Variants in CAMK1D observed in about 807,000 individuals in gnomAD.
CAMK1D encodes the protein calcium/calmodulin dependent protein kinase ID.
A neutral mutation model predicts 47.7 loss-of-function variants in CAMK1D; 9 were observed. The observed-to-expected ratio is 0.19, with a 90% confidence interval of 0.11 to 0.33. The LOEUF (loss-of-function observed/expected upper bound fraction) is 0.33, where lower values mean the gene tolerates loss of function less well. Among genes scored for constraint, CAMK1D ranks in the 10% least tolerant of loss-of-function variants. CAMK1D has a pLI of 1.00. For missense variants in CAMK1D, 291 were observed against 488.7 expected, an observed-to-expected ratio of 0.60 and a Z score of 3.81; for synonymous variants, 184 against 184.9, an observed-to-expected ratio of 0.99 and a Z score of 0.04.
intron 2 of CAMK1D, among the ~76,000 whole-genome samples, chr10:12,578,033 C>T (rs1443379660): frequency 1.3e-5 from 2 of 152,236 alleles, no homozygotes; most frequent in African/African-American, 2.4e-5. Context: ...CTTACATCCT[C>T]ACAGCAACTC....
chr10:12,633,427 A>T (rs1451021441), intron 2 of CAMK1D, among the ~76,000 whole-genome samples: 1 of 152,148 alleles, frequency 6.6e-6, no homozygotes, highest in Non-Finnish European at 1.5e-5. Flanking sequence ...GAGAAGGTCA[A>T]CTTCAAGTGC....
chr10:12,358,078 A>G (rs183025086), intron 1 of CAMK1D, among the ~76,000 whole-genome samples: 120 of 152,226 alleles, frequency 7.9e-4, no homozygotes, highest in African/African-American at 2.7e-3. Context: ...GAGAGATTCC[A>G]GCCTGGAGTG....
At chr10:12,800,619 A>T (rs1004133665) in intron 6 of CAMK1D, among the ~76,000 whole-genome samples, 1 of 152,148 alleles carries the variant, frequency 6.6e-6, no homozygotes, top group African/African-American at 2.4e-5. Flanking sequence ...CTAGTGTGTA[A>T]TATACATGGA....
chr10:12,517,482 C>T (rs1271301237), intron 1 of CAMK1D, among the ~76,000 whole-genome samples: 1 of 152,162 alleles, frequency 6.6e-6, no homozygotes, highest in East Asian at 1.9e-4. Flanking sequence ...GGCTTTTACC[C>T]TAAAGTATGA....
intron 2 of CAMK1D, 136 bp downstream of exon 2, chr10:12,553,492 A>G (rs964894361): frequency 1.5e-6 from 1 of 655,812 alleles, no homozygotes; most frequent in Non-Finnish European, 2.7e-6. Context: ...AACGATAACC[A>G]ACTTTCAAAG....
At position 12,418,929 on chromosome 10, in the gene CAMK1D, G is replaced by A. The variant is rs553126685; in HGVS notation, c.92+69019G>A. ...AGGCCTCAGCCGAGAGTGGCCATAG[G>A]TGGAAGGCCTCAGTCGCGGGCGTGG... is the stretch of plus-strand genomic sequence containing the variant. On this transcript the variant is annotated intron_variant, in intron 1 of 10. Coordinates refer to ENST00000619168, the MANE Select transcript of CAMK1D (RefSeq NM_153498.4). 2.0e-5 allele frequency among the ~76,000 whole-genome samples: 3 copies of A among 152,262 alleles called. No homozygotes were observed. The South Asian group carries it at 6.2e-4, about 32-fold the overall frequency.
intron 3 of CAMK1D, among the ~76,000 whole-genome samples, chr10:12,749,570 G>GTTTTT (rs1334614122): frequency 4.2e-5 from 5 of 119,342 alleles, no homozygotes; most frequent in African/African-American, 1.4e-4. Context: ...TTGTTTGTTT[G>GTTTTT]TTTGTTTTGA....
At chr10:12,668,539 GATA>G (rs1304010815) in intron 3 of CAMK1D, among the ~76,000 whole-genome samples, 6 of 152,160 alleles carry the variant, frequency 3.9e-5, no homozygotes, top group Non-Finnish European at 8.8e-5. Context: ...GGAAAATGGG[GATA>G]ATAATATTTT....
chr10:12,394,064 C>T (rs1418552176), intron 1 of CAMK1D, among the ~76,000 whole-genome samples: 3 of 152,190 alleles, frequency 2.0e-5, no homozygotes, highest in Non-Finnish European at 2.9e-5. Flanking sequence ...TGCTTTTGGC[C>T]GACTGGCCAT....
chr10:12,464,591 G>C (rs576119446), intron 1 of CAMK1D, among the ~76,000 whole-genome samples: 1 of 152,250 alleles, frequency 6.6e-6, no homozygotes, highest in African/African-American at 2.4e-5. Context: ...CGAGGCAGGC[G>C]GATCACGAGG....
chr10:12,781,430 C>T (rs1273554192), intron 5 of CAMK1D, among the ~76,000 whole-genome samples: 4 of 152,206 alleles, frequency 2.6e-5, no homozygotes, highest in Admixed American at 2.6e-4. Flanking sequence ...TTCCAAGGCC[C>T]TCCCACATTT....
chr10:12,690,684 T>G (rs959146054), intron 3 of CAMK1D, among the ~76,000 whole-genome samples: 2 of 152,124 alleles, frequency 1.3e-5, no homozygotes, highest in African/African-American at 2.4e-5. Flanking sequence ...TGTGACTGTT[T>G]ATGAGGAAAG....
chr10:12,544,904 C>A (rs1157811462), intron 1 of CAMK1D, among the ~76,000 whole-genome samples: 1 of 151,896 alleles, frequency 6.6e-6, no homozygotes, highest in Non-Finnish European at 1.5e-5. Context: ...GTGGATGGTA[C>A]TAGTGTTGAG....
In CAMK1D at chr10:12,831,388, G is replaced by A. The variant is rs1044051888; in HGVS notation, c.*2501G>A. 4 of 152,226 alleles carry A rather than the reference G, an allele frequency of 2.6e-5. No homozygotes were observed. The highest frequency in any genetic ancestry group is 1.3e-4 in the Admixed American group (2 of 15,282). 9.4% of individuals were successfully genotyped at this position (152,226 alleles called of 1,614,324 possible). ...CACCCGAATCTGGTACCTAGGATGA[G>A]TACATGAATAGTGATGAATAGCCCT... On this transcript the variant is annotated 3_prime_UTR_variant, in exon 11 of 11. Transcript: ENST00000619168.
chr10:12,466,251 C>T (rs759065299), intron 1 of CAMK1D, among the ~76,000 whole-genome samples: 1 of 151,808 alleles, frequency 6.6e-6, no homozygotes, highest in Non-Finnish European at 1.5e-5. Flanking sequence ...ACTAAAAATA[C>T]AAAAAAATTA....
intron 3 of CAMK1D, among the ~76,000 whole-genome samples, chr10:12,756,925 A>C (rs1836257533): frequency 6.6e-6 from 1 of 152,226 alleles, no homozygotes; most frequent in Non-Finnish European, 1.5e-5. Flanking sequence ...TCCGTCTCAA[A>C]ATAAAACAAA....
chr10:12,676,056 G>A (rs536566263), intron 3 of CAMK1D, among the ~76,000 whole-genome samples: 1 of 152,226 alleles, frequency 6.6e-6, no homozygotes, highest in Non-Finnish European at 1.5e-5. Flanking sequence ...GGGTTCAAGC[G>A]ATTCTCCTGT....
chr10:12,640,925 T>C (rs1839648127), intron 2 of CAMK1D, among the ~76,000 whole-genome samples: 2 of 152,208 alleles, frequency 1.3e-5, no homozygotes, highest in African/African-American at 4.8e-5. Context: ...AATTTATCGG[T>C]AATTACAGAT....
chr10:12,663,917 C>T (rs962441035), intron 2 of CAMK1D, among the ~76,000 whole-genome samples: 1 of 152,026 alleles, frequency 6.6e-6, no homozygotes, highest in African/African-American at 2.4e-5. Flanking sequence ...ATGTGGGAGG[C>T]CAGAATAATT....
Sources: gnomAD v4.1 joint callset for allele counts (sites outside exome capture counted in the v4.1 genomes callset) on GRCh38, gnomAD v4.1.1 for gene constraint, MANE v1.5 for transcripts, NCBI Gene and HGNC (gene_info 2026-07-23, HGNC 2026-07-21) for gene names.